Variants in NUTM2G observed in about 807,000 individuals in gnomAD.
The protein encoded by NUTM2G is NUT family member 2G.
Under a neutral mutation model 44.3 loss-of-function variants are expected in NUTM2G, and 29 were observed. The observed-to-expected ratio is 0.66, with a 90% CI of 0.49 to 0.89. NUTM2G has a LOEUF of 0.89. NUTM2G is among the 40% of genes least tolerant of loss of function. The pLI, the probability that NUTM2G is intolerant of heterozygous loss-of-function variation, is 0.00. For missense variants in NUTM2G, 502 were observed against 946.5 expected (o/e 0.53, Z 6.16); for synonymous variants, 205 against 395.9 (o/e 0.52, Z 5.72).
intron 1 of NUTM2G, 36 bp from the exon 2 acceptor site, chr9:96,931,686 C>T (rs765892173): frequency 6.2e-6 from 10 of 1,608,754 alleles, no homozygotes; most frequent in Admixed American, 5.0e-5. Flanking sequence ...GACCTGGAGA[C>T]GCCAGCTCAT....
intron 1 of NUTM2G, among the ~76,000 whole-genome samples, chr9:96,931,148 A>G (rs1826232653): frequency 6.6e-6 from 1 of 152,100 alleles, no homozygotes; most frequent in Non-Finnish European, 1.5e-5. Flanking sequence ...TGGGCCTCCC[A>G]AAGTGCTGGG....
intron 2 of NUTM2G, 83 bp downstream of exon 2, chr9:96,932,501 A>AG: frequency 8.4e-7 from 1 of 1,196,008 alleles, no homozygotes; most frequent in Non-Finnish European, 1.2e-6. Flanking sequence ...CACACTGTTC[A>AG]GGGGAGCTTG....
chr9:96,934,931 TCTC>T (rs1826379180), intron 2 of NUTM2G, among the ~76,000 whole-genome samples: 1 of 151,536 alleles, frequency 6.6e-6, no homozygotes, highest in East Asian at 2.0e-4. Flanking sequence ...AGCCCTGGTG[TCTC>T]CTCCTGCCCT....
chr9:96,936,220 A>T (rs1826424400), intron 3 of NUTM2G, among the ~76,000 whole-genome samples: 1 of 150,674 alleles, frequency 6.6e-6, no homozygotes, highest in Non-Finnish European at 1.5e-5. Flanking sequence ...CATTGATGCC[A>T]TGGGCTCTGC....
chr9:96,940,005 T>TC (rs1236202895), downstream of NUTM2G: 1 of 79,484 alleles, frequency 1.3e-5, no homozygotes, highest in African/African-American at 5.8e-5. Flanking sequence ...TGCATGGAGC[T>TC]CCCCCAACAG....
intron 2 of NUTM2G, among the ~76,000 whole-genome samples, chr9:96,932,869 G>C (rs1826309913): frequency 6.6e-6 from 1 of 151,574 alleles, no homozygotes; most frequent in Non-Finnish European, 1.5e-5. Context: ...GGCTGGTCTT[G>C]AACTCCCGAC....
At chr9:96,934,916 G>T (rs1233177232) in intron 2 of NUTM2G, among the ~76,000 whole-genome samples, 1 of 151,728 alleles carries the variant, frequency 6.6e-6, no homozygotes, top group African/African-American at 2.4e-5. Flanking sequence ...GTGGCTGAGA[G>T]CAAGAGCCCT....
At chr9:96,933,333 T>A (rs1159048873) in intron 2 of NUTM2G, among the ~76,000 whole-genome samples, 2 of 151,004 alleles carry the variant, frequency 1.3e-5, no homozygotes, top group African/African-American at 2.4e-5. Flanking sequence ...TCAGAGAGGG[T>A]TCTTGGTGTG....
intron 1 of NUTM2G, among the ~76,000 whole-genome samples, 165 bp downstream of exon 1, chr9:96,929,205 G>A (rs1826166717): frequency 6.6e-6 from 1 of 152,184 alleles, no homozygotes; most frequent in Non-Finnish European, 1.5e-5. Context: ...CCCTGAGTCT[G>A]TGGTTAGGGA....
chr9:96,932,950 C>T (rs1351773553), intron 2 of NUTM2G, among the ~76,000 whole-genome samples: 2 of 151,048 alleles, frequency 1.3e-5, no homozygotes, highest in Non-Finnish European at 1.5e-5. Context: ...TGCCCCGCCC[C>T]AATACTTACT....
intron 2 of NUTM2G, 146 bp from the exon 3 acceptor site, chr9:96,935,182 G>A: frequency 7.0e-7 from 1 of 1,422,158 alleles, no homozygotes; most frequent in Non-Finnish European, 9.6e-7. Flanking sequence ...GTGTGTCCTG[G>A]AGGCTGAGGA....
In NUTM2G at chr9:96,937,921, T is replaced by C. The variant is rs199887065; in HGVS notation, c.1360T>C (p.Leu454=). Residue 454 remains leucine (L), a synonymous_variant, in exon 6 of 7, where the codon TTG becomes CTG. Coordinates refer to ENST00000372322, the MANE Select transcript of NUTM2G (RefSeq NM_001170741.3). ...AVIHPRFLEE[L]LSPDPQMDFL... is the part of the protein sequence containing the mutation. ...CATTCACCCCCGATTCCTGGAAGAA[T>C]TGCTTTCCCCAGATCCACAGATGGA... 59 of 1,611,652 alleles carry C rather than the reference T, an allele frequency of 3.7e-5. No individual in the cohort carries two copies. The highest frequency in any genetic ancestry group is 6.7e-5 in the Admixed American group (4 of 59,970).
chr9:96,931,985 C>T lies in NUTM2G; in HGVS notation c.280C>T (p.Pro94Ser). Residue 94 changes from proline (P) to serine (S), a missense_variant, in exon 2 of 7, where the codon CCC becomes TCC. By Grantham distance (74) the Pro-to-Ser change is moderately conservative (BLOSUM62 -1). Coordinates refer to ENST00000372322, the MANE Select transcript of NUTM2G (RefSeq NM_001170741.3). ...GAGGACAGAAGTGGGGCCTGTGAAGCCCCCTCAGGCACAGACCTTGATCCT... is the reference window on the plus strand; with the variant it reads ...GAGGACAGAAGTGGGGCCTGTGAAGTCCCCTCAGGCACAGACCTTGATCCT... Reference protein sequence around the residue: ...QMRTEVGPVKPPQAQTLILTQ... With the variant: ...QMRTEVGPVKSPQAQTLILTQ... 6.2e-7 allele frequency: 1 copy of T among 1,611,190 alleles called. No homozygotes were observed.
chr9:96,931,228 AAG>A (rs1232155588), intron 1 of NUTM2G, among the ~76,000 whole-genome samples: 1 of 151,534 alleles, frequency 6.6e-6, no homozygotes, highest in Non-Finnish European at 1.5e-5. Context: ...CTAGGAAAGA[AAG>A]GGGTTTACAA....
chr9:96,935,900 C>G (rs1002591513), intron 3 of NUTM2G, among the ~76,000 whole-genome samples: 9 of 151,858 alleles, frequency 5.9e-5, no homozygotes, highest in African/African-American at 2.2e-4. Context: ...CACCATGAGA[C>G]CCCTCTCTGG....
At position 96,931,821 on chromosome 9, in the gene NUTM2G, A is replaced by G; in HGVS notation, c.116A>G (p.His39Arg). Residue 39 changes from histidine to arginine, a missense_variant, in exon 2 of 7, where the codon CAC becomes CGC. His to Arg is a conservative substitution (Grantham distance 29, BLOSUM62 0). Transcript: ENST00000372322. ...GCCACACCCTCTCCCGGCCCAACAC[A>G]CAGGCCGCCCCTCGTGACTGCAGTG... ...PFATPSPGPT[H>R]RPPLVTAVVP... 2 of 1,612,032 alleles carry G rather than the reference A, an allele frequency of 1.2e-6. No homozygotes were observed. The highest frequency in any genetic ancestry group is 2.2e-5 in the South Asian group (2 of 90,986).
Position 96,937,308 on chromosome 9 carries a change from A to G in NUTM2G, c.1227A>G (p.Lys409=). 2 of 1,613,890 alleles carry G rather than the reference A, an allele frequency of 1.2e-6. No homozygotes were observed. The highest frequency in any genetic ancestry group is 1.7e-6 in the Non-Finnish European group (2 of 1,179,858). Residue 409 remains lysine (K), a synonymous_variant, in exon 5 of 7, where the codon AAA becomes AAG. Coordinates refer to ENST00000372322, the MANE Select transcript of NUTM2G (RefSeq NM_001170741.3). Reference sequence around the variant, plus strand: ...CTGAGGGACAACGGGAAAAGGGCAAAGTGGAGCAGCCGCAGGAAGAGGACG... The same window carrying G: ...CTGAGGGACAACGGGAAAAGGGCAAGGTGGAGCAGCCGCAGGAAGAGGACG... ...GEPEGQREKG[K]VEQPQEEDGM...
rs1360333265 is a variant in NUTM2G, at chr9:96,931,743, G to T, written c.38G>T (p.Gly13Val). The change falls in exon 2 of 7, where the codon GGC becomes GTC. Residue 13 changes from glycine (G) to valine (V), a missense_variant. Physicochemically the swap from Gly to Val is moderately radical, Grantham distance 109 (BLOSUM62 -3). Coordinates refer to ENST00000372322, the MANE Select transcript of NUTM2G (RefSeq NM_001170741.3). ...SNGAYPVLGP[G>V]VTVNPGTSLS... Reference sequence around the variant, plus strand: ...ACAGCATACCCAGTGCTGGGACCCGGCGTGACCGTGAACCCTGGCACCTCC... The same window carrying T: ...ACAGCATACCCAGTGCTGGGACCCGTCGTGACCGTGAACCCTGGCACCTCC... 6.2e-7 allele frequency: 1 copy of T among 1,611,458 alleles called. No individual in the cohort carries two copies.
chr9:96,936,959 C>T (rs1826451256), intron 4 of NUTM2G, 105 bp from the exon 5 acceptor site: 2 of 1,356,346 alleles, frequency 1.5e-6, no homozygotes, highest in South Asian at 2.8e-5. Flanking sequence ...GTGGTCCTGA[C>T]CCAGCTGGGA....
Sources: allele counts gnomAD v4.1 joint callset (sites outside exome capture counted in the v4.1 genomes callset), GRCh38; gene constraint gnomAD v4.1.1; transcripts MANE v1.5; gene names NCBI Gene and HGNC (gene_info 2026-07-23, HGNC 2026-07-21).